The following PYGB variants were observed in gnomAD, a reference collection of about 807,000 sequenced individuals.
PYGB encodes glycogen phosphorylase B, also known as glycogen phosphorylase, brain form.
In PYGB, 82 loss-of-function variants were observed where a neutral mutation model predicts 94.3. That is an observed-to-expected ratio of 0.87 (90% confidence interval 0.73 to 1.04). PYGB has a LOEUF of 1.04. Among genes scored for constraint, PYGB ranks in the 50% least tolerant of loss-of-function variants. The pLI is 0.00. For synonymous variants in PYGB, 488 were observed against 479.1 expected (o/e 1.02, Z -0.24); for missense variants, 1,132 against 1,158.2 (o/e 0.98, Z 0.33).
intron 14 of PYGB, chr20:25,284,938 T>G (rs1162195126): frequency 6.6e-6 from 1 of 152,212 alleles, no homozygotes; most frequent in African/African-American, 2.4e-5. Context: ...TTGCTAGGTT[T>G]AATAGATAAT....
chr20:25,294,762 G>C (rs2088513628), intron 18 of PYGB: 5 of 658,714 alleles, frequency 7.6e-6, no homozygotes, highest in Middle Eastern at 4.0e-4. Context: ...AATGTAGTTA[G>C]TGTTTTATTT....
intron 1 of PYGB, among the ~76,000 whole-genome samples, chr20:25,252,711 T>G (rs1485907744): frequency 1.3e-5 from 2 of 152,210 alleles, no homozygotes; most frequent in Non-Finnish European, 2.9e-5. Flanking sequence ...CCTCTGCAGG[T>G]GCCACTGTCC....
intron 1 of PYGB, among the ~76,000 whole-genome samples, chr20:25,256,334 G>A (rs1024853423): frequency 2.0e-5 from 3 of 151,218 alleles, no homozygotes; most frequent in African/African-American, 7.3e-5. Context: ...TGAGCTTTAT[G>A]TTTTTCTATT....
intron 2 of PYGB, among the ~76,000 whole-genome samples, chr20:25,266,047 C>T (rs1013796119): frequency 2.6e-5 from 4 of 152,030 alleles, no homozygotes; most frequent in Admixed American, 1.3e-4. Flanking sequence ...GATGAGGTTT[C>T]ACCATGTTGG....
chr20:25,287,981 A>G (rs56291736), intron 14 of PYGB, among the ~76,000 whole-genome samples: 14,789 of 152,236 alleles, frequency 0.097, 772 homozygotes, highest in Non-Finnish European at 0.11. Flanking sequence ...CTGCTGTCTC[A>G]AGAAACAAAA....
Position 25,248,105 on chromosome 20 carries a change from G to T in PYGB, c.-74G>T. The T allele has an allele frequency of 1.4e-6, 2 of 1,441,532 alleles. No homozygotes were observed. Among genetic ancestry groups the T allele is most frequent in the Non-Finnish European group, 1.8e-6 (2 of 1,096,710 alleles). 89.3% of individuals were successfully genotyped at this position (1,441,532 alleles called of 1,614,324 possible). A position where few individuals can be genotyped will look rare whatever the true frequency, so the allele number is the denominator to read the frequency against. ...GCGCCAGAGCAGCGGCGCCAGAGCA[G>T]CTGCACCATCCCGGCGTTCGCGTGT... On this transcript the variant is annotated 5_prime_UTR_variant, in exon 1 of 20. Transcript: ENST00000216962.
At chr20:25,275,401 G>C (rs868340022) in intron 5 of PYGB, among the ~76,000 whole-genome samples, 236 of 152,376 alleles carry the variant, frequency 1.5e-3, no homozygotes, top group African/African-American at 5.2e-3. Flanking sequence ...CAGGGCAGGG[G>C]CTGGCAGGAG....
At position 25,264,618 on chromosome 20, in the gene PYGB, C is replaced by CT. The variant is rs540969684; in HGVS notation, c.346-4510dup. On this transcript the variant is annotated intron_variant, in intron 2 of 19. Transcript: ENST00000216962. ...CAATGTGCAAAAATCACAAGCATTC[C>CT]TATACACCAATAAACAGACAAACAG... is the stretch of plus-strand genomic sequence containing the variant. Among the ~76,000 whole-genome samples, 423 of 152,208 alleles carry CT rather than the reference C, an allele frequency of 2.8e-3. 5 individuals carry two copies. Among genetic ancestry groups the CT allele is most frequent in the African/African-American group, 9.8e-3 (408 of 41,516 alleles).
Position 25,280,153 on chromosome 20 carries a change from C to G in PYGB, c.1093-113C>G, listed in dbSNP as rs558892800. On this transcript the variant is annotated intron_variant, in intron 9 of 19. Coordinates refer to ENST00000216962, the MANE Select transcript of PYGB (RefSeq NM_002862.4). ...GAGAGCAGAGGGGACGGTGGCCCTT[C>G]CTGGGGTACCCAGCATCTGCCTGGG... is the stretch of plus-strand genomic sequence containing the variant. 21 of 1,341,230 alleles carry G rather than the reference C, an allele frequency of 1.6e-5. No individual in the cohort carries two copies. In the Middle Eastern group the frequency reaches 6.0e-4, roughly 38 times the overall value. 83.1% of individuals were successfully genotyped at this position (1,341,230 alleles called of 1,614,324 possible). A position where few individuals can be genotyped will look rare whatever the true frequency, so the allele number is the denominator to read the frequency against.
chr20:25,294,393 G>A (rs772122613), intron 18 of PYGB, 101 bp downstream of exon 18: 16 of 1,394,702 alleles, frequency 1.1e-5, no homozygotes, highest in South Asian at 4.0e-5. Flanking sequence ...AGCAAAACCC[G>A]TGCTTTCAGG....
intron 17 of PYGB, among the ~76,000 whole-genome samples, chr20:25,293,648 G>C (rs1048697331): frequency 1.3e-5 from 2 of 152,148 alleles, no homozygotes; most frequent in African/African-American, 4.8e-5. Flanking sequence ...TCTTCTGCCC[G>C]GGCCCCGTCC....
intron 2 of PYGB, among the ~76,000 whole-genome samples, chr20:25,263,751 TA>T (rs972192201): frequency 8.5e-5 from 13 of 152,288 alleles, no homozygotes; most frequent in Admixed American, 4.6e-4. Context: ...AATTCCTGAA[TA>T]GACCAATAAC....
rs536761876 is a variant in PYGB at position 25,270,276 on chromosome 20, A to G, written c.424+1069A>G. 4.3e-5 allele frequency among the ~76,000 whole-genome samples: 6 copies of G among 139,992 alleles called. No individual in the cohort carries two copies. The South Asian group carries it at 8.9e-4, about 21-fold the overall frequency. The allele number at this position is 139,992 out of a possible 152,430, so 91.8% of individuals were successfully genotyped here. ...GGAGTGCAGTGGGTGATCTCGGCTC[A>G]CTGCAAGCTCCGCCTCCCGGTTTCA... On this transcript the variant is annotated intron_variant, in intron 3 of 19. Transcript: ENST00000216962.
intron 1 of PYGB, among the ~76,000 whole-genome samples, chr20:25,252,107 A>G (rs897197904): frequency 1.3e-5 from 2 of 152,222 alleles, no homozygotes; most frequent in African/African-American, 2.4e-5. Context: ...TCTCCTGGGC[A>G]GGCTTCCCTG....
At position 25,288,466 on chromosome 20, in the gene PYGB, G is replaced by T. The variant is rs2088437674; in HGVS notation, c.1810G>T (p.Val604Phe). ...DPAKAFVPRT[V>F]MIGGKAAPGY... ...GGCCAAGGCTTTTGTGCCCAGGACT[G>T]TTATGATTGGGGGCAAGGTGAGTGA... is the stretch of plus-strand genomic sequence containing the variant. The change falls in exon 15 of 20, where the codon GTT (valine) becomes TTT (phenylalanine). Residue 604 changes from valine to phenylalanine, a missense_variant. Physicochemically the swap from Val to Phe is conservative, Grantham distance 50. Transcript: ENST00000216962. 6.2e-7 allele frequency: 1 copy of T among 1,614,132 alleles called. No homozygotes were observed. The highest frequency in any genetic ancestry group is 8.5e-7 in the Non-Finnish European group (1 of 1,179,994).
rs557702484 is a variant in PYGB, at chr20:25,288,185, G to A, written c.1769-240G>A. The A allele has an allele frequency of 6.2e-5, 41 of 657,682 alleles. No homozygotes were observed. In the East Asian group the frequency reaches 8.9e-4, roughly 14 times the overall value. 40.7% of individuals were successfully genotyped at this position (657,682 alleles called of 1,614,324 possible). A position where few individuals can be genotyped will look rare whatever the true frequency, so the allele number is the denominator to read the frequency against. On this transcript the variant is annotated intron_variant, in intron 14 of 19. Coordinates refer to ENST00000216962, the MANE Select transcript of PYGB (RefSeq NM_002862.4). Reference sequence around the variant, plus strand: ...GTCCTGGCTGGCCTTCCTCACCAGCGGGGAACCTAAGTGCAGACCTCAGGG... The same window carrying A: ...GTCCTGGCTGGCCTTCCTCACCAGCAGGGAACCTAAGTGCAGACCTCAGGG...
intron 18 of PYGB, among the ~76,000 whole-genome samples, chr20:25,294,510 C>G (rs1202410588): frequency 6.6e-6 from 1 of 152,256 alleles, no homozygotes; most frequent in Non-Finnish European, 1.5e-5. Flanking sequence ...GGCAGCGAGA[C>G]ACAGCAGCAC....
chr20:25,269,624 G>A (rs567098071), intron 3 of PYGB, among the ~76,000 whole-genome samples: 1 of 152,174 alleles, frequency 6.6e-6, no homozygotes, highest in African/African-American at 2.4e-5. Flanking sequence ...GGCTTTGAGG[G>A]TCTTCAGCCC....
chr20:25,289,450 G>A (rs761732257), intron 15 of PYGB, among the ~76,000 whole-genome samples: 1 of 152,192 alleles, frequency 6.6e-6, no homozygotes, highest in Non-Finnish European at 1.5e-5. Flanking sequence ...TTCGAGACCA[G>A]CCTGAGCAGT....
Sources: gnomAD v4.1 joint callset for allele counts (sites outside exome capture counted in the v4.1 genomes callset) on GRCh38, gnomAD v4.1.1 for gene constraint, MANE v1.5 for transcripts, NCBI Gene and HGNC (gene_info 2026-07-23, HGNC 2026-07-21) for gene names.